Variants in ZAN observed in about 807,000 individuals in gnomAD.
ZAN encodes the protein zonadhesin (gene/pseudogene).
Under a neutral mutation model 286.2 loss-of-function variants are expected in ZAN, and 260 were observed. The observed-to-expected ratio is 0.91, with a 90% confidence interval of 0.82 to 1.01. The LOEUF (loss-of-function observed/expected upper bound fraction) is 1.01. ZAN is among the 50% of genes least tolerant of loss of function. ZAN has a pLI of 0.00. For missense variants in ZAN, 3,410 were observed against 3,639.2 expected (o/e 0.94, Z 1.62); for synonymous variants, 1,368 against 1,417.5 (o/e 0.97, Z 0.79).
In ZAN at chr7:100,760,444, G is replaced by A. The variant is rs753781202; in HGVS notation, c.3750G>A (p.Leu1250=). 1 of 1,613,966 alleles carries A rather than the reference G, an allele frequency of 6.2e-7. No individual in the cohort carries two copies. Among genetic ancestry groups the A allele is most frequent in the Non-Finnish European group, 8.5e-7 (1 of 1,179,884 alleles). ...CCATACCCTCTAAAGGCGTCTTCCT[G>A]GGTGCAAGCGGGCGGTTTGTGGAGC... ...LPAIPSKGVF[L]GASGRFVELQ... is the part of the protein sequence containing the mutation. Residue 1250 remains leucine (L), a synonymous_variant, in exon 19 of 48, where the codon CTG becomes CTA. Coordinates refer to ENST00000613979, the MANE Select transcript of ZAN (RefSeq NM_003386.3).
intron 11 of ZAN, 38 bp from the exon 12 acceptor site, chr7:100,750,587 C>G: frequency 6.2e-7 from 1 of 1,606,930 alleles, no homozygotes; most frequent in Non-Finnish European, 8.5e-7. Flanking sequence ...ATGTCCTGTG[C>G]AGGCTTCTTA....
In ZAN at chr7:100,784,700, C is replaced by T. The variant is rs373100732; in HGVS notation, c.6700C>T (p.Arg2234Trp). Reference sequence around the variant, plus strand: ...ACCCTCCTGCTGGGACCTGGATGGCCGGTGTGAGGGCGCCAAAGTCCCCTC... The same window carrying T: ...ACCCTCCTGCTGGGACCTGGATGGCTGGTGTGAGGGCGCCAAAGTCCCCTC... Reference protein sequence around the residue: ...CSPSCWDLDGRCEGAKVPSAC... With the variant: ...CSPSCWDLDGWCEGAKVPSAC... The change falls in exon 36 of 48, where the codon CGG (arginine) becomes TGG (tryptophan). Residue 2234 changes from arginine (R) to tryptophan (W), a missense_variant. Arg to Trp is a moderately radical substitution (Grantham distance 101). This residue lies in a region of ZAN where 1,289 missense variants were observed against 1,314.3 expected (regional missense o/e 0.98). Coordinates refer to ENST00000613979, the MANE Select transcript of ZAN (RefSeq NM_003386.3). 7.4e-6 allele frequency: 12 copies of T among 1,613,892 alleles called. No homozygotes were observed. The highest frequency in any genetic ancestry group is 5.3e-5 in the African/African-American group (4 of 75,014).
chr7:100,768,237 C>G (rs971468973), intron 26 of ZAN, among the ~76,000 whole-genome samples: 1 of 152,228 alleles, frequency 6.6e-6, no homozygotes, highest in African/African-American at 2.4e-5. Context: ...TTTGAGAGCC[C>G]GAGGAGGGTG....
rs111874491 is a variant in ZAN, at chr7:100,754,534, C to T, written c.3125-692C>T. On this transcript the variant is annotated intron_variant, in intron 14 of 47. Transcript: ENST00000613979. ...TTTTTATATTTTTGAGACAGGGTCTCGCTCTGTCACCCAGGCTGGAGTGCA... is the reference window on the plus strand; with the variant it reads ...TTTTTATATTTTTGAGACAGGGTCTTGCTCTGTCACCCAGGCTGGAGTGCA... Among the ~76,000 whole-genome samples, 556 of 151,946 alleles carry T rather than the reference C, an allele frequency of 3.7e-3. 2 individuals are homozygous for T. The highest frequency in any genetic ancestry group is 0.013 in the African/African-American group (521 of 41,484).
intron 11 of ZAN, among the ~76,000 whole-genome samples, chr7:100,749,190 A>G (rs1400742405): frequency 1.3e-5 from 2 of 151,756 alleles, no homozygotes; most frequent in Admixed American, 6.6e-5. Context: ...AAAAATGTAA[A>G]AATTAGCCGG....
chr7:100,775,954 G>A, intron 33 of ZAN, 121 bp downstream of exon 33: 1 of 1,321,454 alleles, frequency 7.6e-7, no homozygotes, highest in Non-Finnish European at 1.0e-6. Flanking sequence ...TCAGGATGGA[G>A]CAGGGCAGTG....
chr7:100,795,355 G>T lies in ZAN; in HGVS notation c.8266+19G>T, dbSNP rs778834178. ...AAGCCAGGTGAGGGCATCGTCCAAGGCCCTGTACCCTCACAACCTCTTCCT... is the reference window on the plus strand; with the variant it reads ...AAGCCAGGTGAGGGCATCGTCCAAGTCCCTGTACCCTCACAACCTCTTCCT... On this transcript the variant is annotated intron_variant, in intron 45 of 47. Transcript: ENST00000613979. 6.5e-7 allele frequency: 1 copy of T among 1,533,592 alleles called. No homozygotes were observed. Among genetic ancestry groups the T allele is most frequent in the Non-Finnish European group, 8.8e-7 (1 of 1,137,050 alleles). The allele number at this position is 1,533,592 out of a possible 1,614,324, so 95.0% of individuals were successfully genotyped here.
intron 11 of ZAN, 79 bp from the exon 12 acceptor site, chr7:100,750,545 GA>G: frequency 6.6e-7 from 1 of 1,509,474 alleles, no homozygotes; most frequent in Middle Eastern, 1.7e-4. Context: ...TTCCCGTTCA[GA>G]AAGCAAAGCT....
intron 39 of ZAN, 48 bp downstream of exon 39, chr7:100,789,395 T>G (rs1452269337): frequency 6.2e-7 from 1 of 1,600,482 alleles, no homozygotes. Flanking sequence ...TTCTGGGAAG[T>G]GGGAGGGAAA....
At chr7:100,749,604 T>C (rs1326846182) in intron 11 of ZAN, among the ~76,000 whole-genome samples, 32 of 143,444 alleles carry the variant, frequency 2.2e-4, no homozygotes, top group African/African-American at 3.2e-4. Flanking sequence ...CACGCCATTG[T>C]ACTCCAGCCT....
rs368698145 is a variant in ZAN at position 100,787,887 on chromosome 7, A to T, written c.6980-2A>T. The T allele has an allele frequency of 2.0e-6, 3 of 1,499,802 alleles. No homozygotes were observed. Among genetic ancestry groups the T allele is most frequent in the Non-Finnish European group, 2.7e-6 (3 of 1,104,066 alleles). 92.9% of individuals were successfully genotyped at this position (1,499,802 alleles called of 1,614,324 possible). A position where few individuals can be genotyped will look rare whatever the true frequency, so the allele number is the denominator to read the frequency against. ...CCTTCTCACTGTCTGACTTCTTGGCAGAGTCTGAACAATGCTCAGTCTATG... is the reference window on the plus strand; with the variant it reads ...CCTTCTCACTGTCTGACTTCTTGGCTGAGTCTGAACAATGCTCAGTCTATG... On this transcript the variant is annotated splice_acceptor_variant, in intron 37 of 47. Coordinates refer to ENST00000613979, the MANE Select transcript of ZAN (RefSeq NM_003386.3). LOFTEE classifies it high-confidence loss of function.
rs770817836 is a variant in ZAN, at chr7:100,784,847, G to A, written c.6834+13G>A. ...TGGCTCCATCCCTGTGAGTGGGCAT[G>A]GGAAATGGGACTGGAGGCAACACAG... On this transcript the variant is annotated intron_variant, in intron 36 of 47. Transcript: ENST00000613979. 1 of 1,574,538 alleles carries A rather than the reference G, an allele frequency of 6.4e-7. No individual in the cohort carries two copies. The highest frequency in any genetic ancestry group is 2.3e-5 in the East Asian group (1 of 44,246).
chr7:100,789,370 G>A, intron 39 of ZAN, 23 bp downstream of exon 39: 2 of 1,603,968 alleles, frequency 1.2e-6, no homozygotes, highest in Non-Finnish European at 1.7e-6. Flanking sequence ...GGGGAAAGAA[G>A]AGCAAAAGGG....
Position 100,740,329 on chromosome 7 carries a change from T to G in ZAN, c.766+1716T>G, listed in dbSNP as rs1413476665. Among the ~76,000 whole-genome samples, 4 of 117,006 alleles carry G rather than the reference T, an allele frequency of 3.4e-5. No individual in the cohort carries two copies. In the East Asian group the frequency reaches 8.8e-4, roughly 26 times the overall value. 76.8% of individuals were successfully genotyped at this position (117,006 alleles called of 152,430 possible). A position where few individuals can be genotyped will look rare whatever the true frequency, so the allele number is the denominator to read the frequency against. ...TTTAATTTATTTTTTTATTGATAAT[T>G]CTTGGGTGTTTCTCACAGAGGGGGA... On this transcript the variant is annotated intron_variant, in intron 7 of 47. Coordinates refer to ENST00000613979, the MANE Select transcript of ZAN (RefSeq NM_003386.3).
Position 100,760,850 on chromosome 7 carries a change from G to A in ZAN, c.3842+314G>A, listed in dbSNP as rs116410639. Among the ~76,000 whole-genome samples, 501 of 152,282 alleles carry A rather than the reference G, an allele frequency of 3.3e-3. 3 individuals carry two copies. The highest frequency in any genetic ancestry group is 0.011 in the African/African-American group (462 of 41,572). On this transcript the variant is annotated intron_variant, in intron 19 of 47. Coordinates refer to ENST00000613979, the MANE Select transcript of ZAN (RefSeq NM_003386.3). ...GCAGTCACCTGGTCCCATTCTCGAA[G>A]GAAGAGTGGCTCCCCAGATGGACAA...
chr7:100,771,436 T>G lies in ZAN; in HGVS notation c.5249-408T>G, dbSNP rs1810360052. Among the ~76,000 whole-genome samples the G allele has an allele frequency of 2.0e-5, 3 of 150,730 alleles. No individual in the cohort carries two copies. The South Asian group carries it at 6.3e-4, about 32-fold the overall frequency. On this transcript the variant is annotated intron_variant, in intron 28 of 47. Transcript: ENST00000613979. ...TGGAAAATCCAGGAGGTTTTTTTTTTGTTTTTTTTTTTTGAGACGGAGTCT... is the reference window on the plus strand; with the variant it reads ...TGGAAAATCCAGGAGGTTTTTTTTTGGTTTTTTTTTTTTGAGACGGAGTCT...
At position 100,752,995 on chromosome 7, in the gene ZAN, A is replaced by T; in HGVS notation, c.2890A>T (p.Ile964Phe). The part of the protein sequence containing the change: ...KLTIPTEKPT[I>F]STEKPTIPTE... ...CACCATCCCCACAGAAAAACCCACC[A>T]TCTCCACGGAAAAACCCACCATCCC... is the stretch of plus-strand genomic sequence containing the variant. Residue 964 changes from isoleucine (I) to phenylalanine (F), a missense_variant, in exon 14 of 48, where the codon ATC becomes TTC. Ile to Phe is a conservative substitution (Grantham distance 21). Transcript: ENST00000613979. 1 of 1,608,520 alleles carries T rather than the reference A, an allele frequency of 6.2e-7. No homozygotes were observed. The highest frequency in any genetic ancestry group is 8.5e-7 in the Non-Finnish European group (1 of 1,177,194).
chr7:100,750,914 G>A lies in ZAN; in HGVS notation c.1521+18G>A. The A allele has an allele frequency of 2.0e-6, 3 of 1,528,276 alleles. No homozygotes were observed. Among genetic ancestry groups the A allele is most frequent in the Non-Finnish European group, 2.6e-6 (3 of 1,137,138 alleles). 94.7% of individuals were successfully genotyped at this position (1,528,276 alleles called of 1,614,324 possible). Reference sequence around the variant, plus strand: ...CCATGCAGGTGAGAGACGGAGGCGGGGGTCCTGTCTGTGTGAGGTGAGAGG... The same window carrying A: ...CCATGCAGGTGAGAGACGGAGGCGGAGGTCCTGTCTGTGTGAGGTGAGAGG... On this transcript the variant is annotated intron_variant, in intron 12 of 47. Transcript: ENST00000613979.
rs776275891 is a variant in ZAN at position 100,776,416 on chromosome 7, C to T, written c.6193-24C>T. 2.9e-5 allele frequency: 46 copies of T among 1,594,976 alleles called. No individual in the cohort carries two copies. In the East Asian group the frequency reaches 6.8e-4, roughly 24 times the overall value. On this transcript the variant is annotated intron_variant, in intron 33 of 47. Transcript: ENST00000613979. The stretch of plus-strand genomic sequence containing the variant: ...AACTGTTCTCGTGCTTCCCCAGCAC[C>T]GAAAAACCACTCTCCCCCGCCAGGT...
Sources: gnomAD v4.1 joint callset for allele counts (sites outside exome capture counted in the v4.1 genomes callset) on GRCh38, gnomAD v4.1.1 for gene constraint, gnomAD v4.1.1 regional missense constraint, MANE v1.5 for transcripts, NCBI Gene and HGNC (gene_info 2026-07-23, HGNC 2026-07-21) for gene names.